The following SAMD5 variants were observed in gnomAD, a reference collection of about 807,000 sequenced individuals.
SAMD5 encodes sterile alpha motif domain containing 5, also known as sterile alpha motif domain-containing protein 5.
SAMD5 carries 13 observed loss-of-function variants against 11.3 expected under a neutral mutation model. The observed-to-expected ratio is 1.15, with a 90% CI of 0.75 to 1.83. SAMD5 has a LOEUF of 1.83. Among genes scored for constraint, SAMD5 ranks in the 40% most tolerant of loss-of-function variants. SAMD5 has a pLI of 0.00. For synonymous variants in SAMD5, 129 were observed against 111.3 expected (o/e 1.16, Z -1.00); for missense variants, 255 against 239.1 (o/e 1.07, Z -0.44).
chr6:147,875,021 A>T, the SAMD5 span, among the ~76,000 whole-genome samples: 1 of 152,140 alleles, frequency 6.6e-6, no homozygotes, highest in Admixed American at 6.5e-5. Flanking sequence ...TGTTTTCTTA[A>T]GCAAAGATTG....
At chr6:147,640,978 ACT>A (rs1476974357) in intron 1 of SAMD5, among the ~76,000 whole-genome samples, 56 of 152,170 alleles carry the variant, frequency 3.7e-4, no homozygotes, top group African/African-American at 1.3e-3. Flanking sequence ...AATTCGCTAG[ACT>A]CTTGTAGAAA....
the SAMD5 span, among the ~76,000 whole-genome samples, chr6:147,914,244 T>A: frequency 6.6e-6 from 1 of 151,564 alleles, no homozygotes; most frequent in East Asian, 1.9e-4. Flanking sequence ...TCCCTTCTAA[T>A]GTGGCCCAGG....
chr6:147,573,623 T>C (rs1474815700), downstream of SAMD5, among the ~76,000 whole-genome samples: 1 of 152,144 alleles, frequency 6.6e-6, no homozygotes, highest in Non-Finnish European at 1.5e-5. Context: ...TTCTGTTATC[T>C]GAAAAGTGAG....
intron 1 of SAMD5, among the ~76,000 whole-genome samples, chr6:147,688,261 C>T (rs1791046626): frequency 6.6e-6 from 1 of 151,830 alleles, no homozygotes; most frequent in South Asian, 2.1e-4. Context: ...TTTATACTGC[C>T]TCTTTCTCTT....
intron 1 of SAMD5, among the ~76,000 whole-genome samples, chr6:147,618,732 C>T (rs1374449024): frequency 1.3e-5 from 2 of 152,242 alleles, no homozygotes; most frequent in Non-Finnish European, 2.9e-5. Context: ...GGGCACCTGA[C>T]TGCCTCATGA....
chr6:147,638,113 C>T (rs747391911), intron 1 of SAMD5, among the ~76,000 whole-genome samples: 1 of 152,028 alleles, frequency 6.6e-6, no homozygotes, highest in African/African-American at 2.4e-5. Context: ...CTCTCTCTCT[C>T]TCCCTCCCTC....
intron 1 of SAMD5, among the ~76,000 whole-genome samples, chr6:147,668,573 G>A (rs568641741): frequency 9.2e-5 from 14 of 152,314 alleles, no homozygotes; most frequent in African/African-American, 3.1e-4. Context: ...GCTGGGCGTG[G>A]TGGCTCACAC....
chr6:147,628,581 T>C (rs1261694825), intron 1 of SAMD5, among the ~76,000 whole-genome samples: 2 of 152,240 alleles, frequency 1.3e-5, no homozygotes, highest in African/African-American at 4.8e-5. Flanking sequence ...GAGGTTATCT[T>C]GATATTCTCA....
intron 1 of SAMD5, among the ~76,000 whole-genome samples, chr6:147,654,832 C>A (rs1010886954): frequency 2.0e-5 from 3 of 151,642 alleles, no homozygotes; most frequent in Non-Finnish European, 2.9e-5. Flanking sequence ...ACCTTCCCAA[C>A]AATTAGAATT....
At chr6:147,617,380 C>T (rs936872479) in intron 1 of SAMD5, among the ~76,000 whole-genome samples, 1 of 152,110 alleles carries the variant, frequency 6.6e-6, no homozygotes, top group African/African-American at 2.4e-5. Flanking sequence ...GGAAAAGTAC[C>T]CGGAAAAAGC....
At chr6:147,716,213 C>T (rs1431679962) in intron 1 of SAMD5, among the ~76,000 whole-genome samples, 1 of 152,218 alleles carries the variant, frequency 6.6e-6, no homozygotes, top group Non-Finnish European at 1.5e-5. Context: ...TCGTCACCCC[C>T]CAAAGTCCAG....
intron 1 of SAMD5, among the ~76,000 whole-genome samples, chr6:147,691,191 G>A (rs1176075663): frequency 6.6e-6 from 1 of 152,016 alleles, no homozygotes; most frequent in Non-Finnish European, 1.5e-5. Context: ...ACACAGTTTT[G>A]CTATGTTGGT....
intron 1 of SAMD5, among the ~76,000 whole-genome samples, chr6:147,518,347 G>A (rs1384700494): frequency 1.3e-5 from 2 of 152,132 alleles, no homozygotes. Context: ...CTAAAGGCAG[G>A]GGTAGCAATA....
the SAMD5 span, among the ~76,000 whole-genome samples, chr6:147,790,823 T>C: frequency 5.2e-5 from 7 of 134,708 alleles, no homozygotes; most frequent in Non-Finnish European, 1.1e-4. Flanking sequence ...TCTCTCTCTC[T>C]CTCTTCTCTG....
At chr6:147,726,794 G>C (rs1438270899) in intron 1 of SAMD5, among the ~76,000 whole-genome samples, 1 of 152,204 alleles carries the variant, frequency 6.6e-6, no homozygotes, top group Non-Finnish European at 1.5e-5. Context: ...CCAAGAAAGA[G>C]GTGGGCGGAG....
chr6:147,642,143 A>G (rs1790321703), intron 1 of SAMD5, among the ~76,000 whole-genome samples: 1 of 152,264 alleles, frequency 6.6e-6, no homozygotes, highest in Non-Finnish European at 1.5e-5. Context: ...TAAGAAAATA[A>G]TGAGCTAGAC....
At chr6:147,583,818 A>AACAC (rs3032052) in intron 1 of SAMD5, among the ~76,000 whole-genome samples, 48,745 of 149,286 alleles carry the variant, frequency 0.33, 8,015 homozygotes, top group Admixed American at 0.38. Context: ...GGAATTTTCA[A>AACAC]ACACACACAC....
At chr6:147,574,776 G>A (rs978876899), downstream of SAMD5, among the ~76,000 whole-genome samples, 2 of 152,086 alleles carry the variant, frequency 1.3e-5, no homozygotes, top group Admixed American at 6.6e-5. Flanking sequence ...TCTTTTATGA[G>A]GAACTTAATA....
At chr6:147,816,549 GT>G in the SAMD5 span, among the ~76,000 whole-genome samples, 2,300 of 151,796 alleles carry the variant, frequency 0.015, 66 homozygotes, top group African/African-American at 0.052. Flanking sequence ...AGATAGGCCA[GT>G]TATCTTAGTG....
Sources: gnomAD v4.1 joint callset for allele counts (sites outside exome capture counted in the v4.1 genomes callset) on GRCh38, gnomAD v4.1.1 for gene constraint, MANE v1.5 for transcripts, NCBI Gene and HGNC (gene_info 2026-07-23, HGNC 2026-07-21) for gene names.